Variants in PEX11G observed in about 807,000 individuals in gnomAD.
PEX11G encodes peroxisomal biogenesis factor 11 gamma, also known as peroxisomal membrane protein 11C.
A neutral mutation model predicts 22.5 loss-of-function variants in PEX11G; 20 were observed. The ratio of observed to expected loss-of-function variants is 0.89; its 90% CI spans 0.62 to 1.29. The LOEUF (loss-of-function observed/expected upper bound fraction) is 1.29. PEX11G is among the 50% of genes most tolerant of loss of function. The probability of loss-of-function intolerance (pLI) is 0.00; values close to 1 mark genes in which losing one functional copy is unlikely to be tolerated. For missense variants in PEX11G, 347 were observed against 331.3 expected (o/e 1.05, Z -0.37); for synonymous variants, 141 against 154.5 (o/e 0.91, Z 0.65).
rs549367469 is a variant in PEX11G at position 7,489,020 on chromosome 19, G to A, written c.-10C>T. The A allele has an allele frequency of 2.0e-6, 3 of 1,516,158 alleles. No individual in the cohort carries two copies. Among genetic ancestry groups the A allele is most frequent in the African/African-American group, 2.9e-5 (2 of 69,548 alleles). The allele number at this position is 1,516,158 out of a possible 1,614,324, so 93.9% of individuals were successfully genotyped here. A position where few individuals can be genotyped will look rare whatever the true frequency, so the allele number is the denominator to read the frequency against. ...CGCTCAGCGACGCCATGGCAACTCC[G>A]TGACGTCACCGCGACGTCGGCGCGC... is the stretch of plus-strand genomic sequence containing the variant. On this transcript the variant is annotated 5_prime_UTR_variant, in exon 1 of 5. In the 5' UTR this introduces an upstream ATG that the reference lacks. Coordinates refer to ENST00000221480, the MANE Select transcript of PEX11G (RefSeq NM_080662.4).
chr19:7,489,441 C>A (rs970856565), upstream of PEX11G: 1 of 999,222 alleles, frequency 1.0e-6, no homozygotes, highest in Non-Finnish European at 1.2e-6. Context: ...GCAGGAATGA[C>A]TGCTGTAATA....
At chr19:7,489,127 C>T (rs916703053), upstream of PEX11G, 3 of 1,273,998 alleles carry the variant, frequency 2.4e-6, no homozygotes, top group Non-Finnish European at 1.0e-6. Flanking sequence ...GCCTTTGTCC[C>T]CCTGACCGGC....
In PEX11G at chr19:7,494,288, AGTCTG is replaced by A. The variant is rs1362250834; in HGVS notation, c.-457+3110_-457+3114del. ...GTGCCTGTGGTCCCAGCTACTCAGG[AGTCTG>A]AGGCACGAGAATCGATTGAATCCAG... On this transcript the variant is annotated intron_variant, in intron 1 of 6. Coordinates refer to the PEX11G transcript ENST00000593942. Among the ~76,000 whole-genome samples the A allele has an allele frequency of 9.7e-4, 148 of 152,288 alleles. No homozygotes were observed. The Middle Eastern group carries it at 0.024, about 24-fold the overall frequency.
chr19:7,481,410 C>T (rs565244961), intron 3 of PEX11G, among the ~76,000 whole-genome samples: 3 of 152,270 alleles, frequency 2.0e-5, no homozygotes, highest in Non-Finnish European at 4.4e-5. Context: ...CCATGTTGGC[C>T]AGGCTGGTCT....
intron 2 of PEX11G, chr19:7,483,170 CCCT>C (rs1433081759): frequency 6.6e-6 from 1 of 151,714 alleles, no homozygotes; most frequent in African/African-American, 2.4e-5. Context: ...CACACCCTTC[CCCT>C]CCTCTCTGAC....
intron 1 of PEX11G, among the ~76,000 whole-genome samples, chr19:7,488,058 C>G (rs2021742875): frequency 6.6e-6 from 1 of 152,228 alleles, no homozygotes; most frequent in Admixed American, 6.5e-5. Flanking sequence ...ACTGTCCAGC[C>G]ATAGGGAGAG....
Position 7,477,378 on chromosome 19 carries a change from A to G in PEX11G, c.550T>C (p.Ser184Pro). Reference sequence around the variant, plus strand: ...AGGTCGGCCAGGTTGCTGAGAAGTGACAGCGCCTCCGACTGCATCTGCGCC... The same window carrying G: ...AGGTCGGCCAGGTTGCTGAGAAGTGGCAGCGCCTCCGACTGCATCTGCGCC... Reference protein sequence around the residue: ...MEAQMQSEALSLLSNLADLAN... With the variant: ...MEAQMQSEALPLLSNLADLAN... The change falls in exon 5 of 5, where the codon TCA becomes CCA. Residue 184 changes from serine to proline, a missense_variant. By Grantham distance (74) the Ser-to-Pro change is moderately conservative. Transcript: ENST00000221480. 6.4e-7 allele frequency: 1 copy of G among 1,555,718 alleles called. No individual in the cohort carries two copies. Among genetic ancestry groups the G allele is most frequent in the Admixed American group, 1.9e-5 (1 of 51,426 alleles).
intron 1 of PEX11G, 76 bp downstream of exon 1, chr19:7,488,875 C>A: frequency 6.8e-7 from 1 of 1,480,386 alleles, no homozygotes; most frequent in South Asian, 1.2e-5. Flanking sequence ...ACCCCGTCCC[C>A]TCTCTGGCCC....
At chr19:7,484,278 C>A (rs2021538316) in intron 2 of PEX11G, among the ~76,000 whole-genome samples, 1 of 151,804 alleles carries the variant, frequency 6.6e-6, no homozygotes, top group South Asian at 2.1e-4. Context: ...CACCTGAGCC[C>A]GGGAAGTCAA....
chr19:7,489,099 G>C, upstream of PEX11G: 4 of 1,355,526 alleles, frequency 3.0e-6, no homozygotes, highest in Non-Finnish European at 3.8e-6. Flanking sequence ...AAAGGCTTGC[G>C]CGCAGGCGCG....
intron 2 of PEX11G, chr19:7,483,149 T>C (rs1240227741): frequency 1.7e-5 from 2 of 115,604 alleles, no homozygotes; most frequent in Non-Finnish European, 3.4e-5. Flanking sequence ...TTTATCCTCC[T>C]TGTTACCTGC....
rs1568380079 is a variant in PEX11G, at chr19:7,482,050, C to A, written c.411G>T (p.Leu137=). The A allele has an allele frequency of 6.9e-6, 11 of 1,602,076 alleles. No homozygotes were observed. In the South Asian group the frequency reaches 1.2e-4, roughly 18 times the overall value. ...TLSTTLWALS[L]LLGVARSLWM... ...CCACTTACCTGGCAACCCCCAGGAGCAGAGAGAGGGCCCACAGGGTTGTAC... is the reference window on the plus strand; with the variant it reads ...CCACTTACCTGGCAACCCCCAGGAGAAGAGAGAGGGCCCACAGGGTTGTAC... The change falls in exon 3 of 5, where the codon CTG becomes CTT. Residue 137 remains leucine (L), a synonymous_variant. Coordinates refer to ENST00000221480, the MANE Select transcript of PEX11G (RefSeq NM_080662.4).
At chr19:7,484,191 C>CA (rs1296634639) in intron 2 of PEX11G, among the ~76,000 whole-genome samples, 1 of 151,762 alleles carries the variant, frequency 6.6e-6, no homozygotes, top group Non-Finnish European at 1.5e-5. Flanking sequence ...CCTGTCTCTA[C>CA]AAAAGATACA....
At chr19:7,489,925 T>C (rs1327885359), upstream of PEX11G, among the ~76,000 whole-genome samples, 2 of 150,688 alleles carry the variant, frequency 1.3e-5, no homozygotes, top group Non-Finnish European at 3.0e-5. Flanking sequence ...TAGCGCCATC[T>C]CTGCTCACTG....
chr19:7,482,719 G>A (rs561141143), intron 2 of PEX11G, among the ~76,000 whole-genome samples: 1 of 152,324 alleles, frequency 6.6e-6, no homozygotes, highest in South Asian at 2.1e-4. Flanking sequence ...ACCAGGCTGA[G>A]ATGGTGTGCC....
chr19:7,481,838 G>A (rs1322000006), intron 3 of PEX11G, among the ~76,000 whole-genome samples, 195 bp downstream of exon 3: 1 of 152,150 alleles, frequency 6.6e-6, no homozygotes. Flanking sequence ...ACAGAGTTGT[G>A]CTAATTTGTT....
At position 7,477,430 on chromosome 19, in the gene PEX11G, C is replaced by A; in HGVS notation, c.498G>T (p.Leu166=). ...RSPTAPFTSP[L]PRGKRRAMEA... ...CCATGGCCCTCCGCTTGCCCCGGGG[C>A]AGCGGGCTGTGGGGCAGAGAGGGGC... Residue 166 remains leucine (L), a synonymous_variant, in exon 5 of 5, where the codon CTG becomes CTT. Coordinates refer to ENST00000221480, the MANE Select transcript of PEX11G (RefSeq NM_080662.4). 1 of 1,447,168 alleles carries A rather than the reference C, an allele frequency of 6.9e-7. No individual in the cohort carries two copies. The highest frequency in any genetic ancestry group is 9.1e-7 in the Non-Finnish European group (1 of 1,104,574). The allele number at this position is 1,447,168 out of a possible 1,614,324, so 89.6% of individuals were successfully genotyped here. A position where few individuals can be genotyped will look rare whatever the true frequency, so the allele number is the denominator to read the frequency against.
chr19:7,485,992 C>A lies in PEX11G; in HGVS notation c.95G>T (p.Gly32Val), dbSNP rs781365202. ...GGGACACTGTTCAACCAGAACTCCA[C>A]CAACCAGCTGGCAGCAGTACCCCAG... The part of the protein sequence containing the change: ...RVLGYCCQLV[G>V]GVLVEQCPAR... Residue 32 changes from glycine (G) to valine (V), a missense_variant, in exon 2 of 5, where the codon GGT (glycine) becomes GTT (valine). By Grantham distance (109) the Gly-to-Val change is moderately radical. Coordinates refer to ENST00000221480, the MANE Select transcript of PEX11G (RefSeq NM_080662.4). The A allele has an allele frequency of 2.5e-6, 4 of 1,602,602 alleles. No homozygotes were observed. Among genetic ancestry groups the A allele is most frequent in the Non-Finnish European group, 2.6e-6 (3 of 1,171,310 alleles).
At position 7,478,353 on chromosome 19, in the gene PEX11G, A is replaced by C. The variant is rs756704120; in HGVS notation, c.452T>G (p.Leu151Arg). 7 of 1,611,222 alleles carry C rather than the reference A, an allele frequency of 4.3e-6. No individual in the cohort carries two copies. In the South Asian group the frequency reaches 7.7e-5, roughly 18 times the overall value. The change falls in exon 4 of 5, where the codon CTG becomes CGG. Residue 151 changes from leucine (L) to arginine (R), a missense_variant. By Grantham distance (102) the Leu-to-Arg change is moderately radical (BLOSUM62 -2). Coordinates refer to ENST00000221480, the MANE Select transcript of PEX11G (RefSeq NM_080662.4). ...CGTGGGGCTCCGCAGCCTCTGTCTCAGTTTCAGCAGCATCCACAGGGACCT... is the reference window on the plus strand; with the variant it reads ...CGTGGGGCTCCGCAGCCTCTGTCTCCGTTTCAGCAGCATCCACAGGGACCT... ...VARSLWMLLK[L>R]RQRLRSPTAP...
Sources: gnomAD v4.1 joint callset for allele counts (sites outside exome capture counted in the v4.1 genomes callset) on GRCh38, gnomAD v4.1.1 for gene constraint, MANE v1.5 for transcripts, NCBI Gene and HGNC (gene_info 2026-07-23, HGNC 2026-07-21) for gene names.